The following CBFA2T2 variants were observed in gnomAD, a reference collection of about 807,000 sequenced individuals.
CBFA2T2 encodes the protein CBFA2/RUNX1 partner transcriptional co-repressor 2, also known as protein CBFA2T2.
Under a neutral mutation model 62.2 loss-of-function variants are expected in CBFA2T2, and 11 were observed. The ratio of observed to expected loss-of-function variants is 0.18; its 90% confidence interval spans 0.11 to 0.29. The LOEUF is 0.29. CBFA2T2 is among the 10% of genes least tolerant of loss of function. The pLI is 1.00. For synonymous variants in CBFA2T2, 295 were observed against 287.5 expected (o/e 1.03, Z -0.27); for missense variants, 592 against 774.1 (o/e 0.76, Z 2.79).
rs552694815 is a variant in CBFA2T2, at chr20:33,598,673, TA to T, written c.35-8280del. ...TCCTCAGCTGACAGGATTAAGAGAT[TA>T]AAGTAAAGACAGGCATAGGAAATCA... is the stretch of plus-strand genomic sequence containing the variant. On this transcript the variant is annotated intron_variant, in intron 1 of 10. Transcript: ENST00000342704. Among the ~76,000 whole-genome samples, 69 of 152,306 alleles carry T rather than the reference TA, an allele frequency of 4.5e-4. 2 individuals are homozygous for T. The East Asian group carries it at 0.013, about 29-fold the overall frequency.
intron 3 of CBFA2T2, among the ~76,000 whole-genome samples, chr20:33,615,542 T>C (rs1314145733): frequency 3.3e-5 from 5 of 152,218 alleles, no homozygotes; most frequent in Admixed American, 3.3e-4. Flanking sequence ...AGTCTCATTC[T>C]GGTTCAGAGG....
chr20:33,505,674 A>T (rs1298199350), intron 1 of CBFA2T2, among the ~76,000 whole-genome samples: 1 of 151,924 alleles, frequency 6.6e-6, no homozygotes, highest in Non-Finnish European at 1.5e-5. Flanking sequence ...CCAGCTGCTC[A>T]GGAGGCTGAG....
chr20:33,552,941 T>G (rs1250376606), intron 1 of CBFA2T2, among the ~76,000 whole-genome samples: 1 of 152,228 alleles, frequency 6.6e-6, no homozygotes, highest in East Asian at 1.9e-4. Context: ...TTCTCCTCTG[T>G]CAAATTTCAT....
intron 1 of CBFA2T2, among the ~76,000 whole-genome samples, chr20:33,517,359 A>G (rs1432937107): frequency 6.6e-6 from 1 of 151,822 alleles, no homozygotes; most frequent in Non-Finnish European, 1.5e-5. Context: ...AGCCTTGCCA[A>G]TTTTCAGCTC....
chr20:33,501,308 A>T (rs1278662020), intron 1 of CBFA2T2, among the ~76,000 whole-genome samples: 3 of 152,040 alleles, frequency 2.0e-5, no homozygotes, highest in Non-Finnish European at 2.9e-5. Context: ...TGTTTCCCTT[A>T]TTTCTTTGTT....
At chr20:33,530,951 GCGCCTGTA>G in intron 1 of CBFA2T2, among the ~76,000 whole-genome samples, 1 of 152,016 alleles carries the variant, frequency 6.6e-6, no homozygotes, top group East Asian at 1.9e-4. Context: ...GTGGTGGCAG[GCGCCTGTA>G]ATCGCAGCTC....
chr20:33,621,287 C>CTTTTTTTTTTTTTTTTTTT lies in CBFA2T2; in HGVS notation c.510+1689_510+1707dup, dbSNP rs199805350. The stretch of plus-strand genomic sequence containing the variant: ...TCTATAATACCTTTAATTTTACTGC[C>CTTTTTTTTTTTTTTTTTTT]TTTTTTTTTTTTTTTTTTTTTTTTT... On this transcript the variant is annotated intron_variant, in intron 4 of 10. Coordinates refer to ENST00000342704, the MANE Select transcript of CBFA2T2 (RefSeq NM_001032999.3). Among the ~76,000 whole-genome samples the CTTTTTTTTTTTTTTTTTTT allele has an allele frequency of 8.8e-4, 75 of 85,294 alleles. 7 individuals are homozygous for CTTTTTTTTTTTTTTTTTTT. Among genetic ancestry groups the CTTTTTTTTTTTTTTTTTTT allele is most frequent in the African/African-American group, 2.1e-3 (41 of 19,294 alleles). The allele number at this position is 85,294 out of a possible 152,430, so 56.0% of individuals were successfully genotyped here. A position where few individuals can be genotyped will look rare whatever the true frequency, so the allele number is the denominator to read the frequency against.
intron 1 of CBFA2T2, among the ~76,000 whole-genome samples, chr20:33,494,718 C>T (rs1408507160): frequency 1.3e-5 from 2 of 152,054 alleles, no homozygotes; most frequent in African/African-American, 2.4e-5. Context: ...CCTGCCTCAG[C>T]CTTCCAAATA....
intron 1 of CBFA2T2, among the ~76,000 whole-genome samples, chr20:33,518,336 A>C (rs1239156713): frequency 6.6e-6 from 1 of 152,204 alleles, no homozygotes; most frequent in Non-Finnish European, 1.5e-5. Context: ...AAAGGAATTG[A>C]AATGCCATTG....
Position 33,646,036 on chromosome 20 carries a change from C to G in CBFA2T2, c.*1390C>G, listed in dbSNP as rs190756667. 2.0e-5 allele frequency: 3 copies of G among 152,128 alleles called. No homozygotes were observed. Among genetic ancestry groups the G allele is most frequent in the African/African-American group, 7.2e-5 (3 of 41,410 alleles). The allele number at this position is 152,128 out of a possible 1,614,324, so 9.4% of individuals were successfully genotyped here. ...GGTGGTTTTTTAACACAAAGTCTCA[C>G]TCTGTTGCCCAGGCTGGAGTGCAGT... On this transcript the variant is annotated 3_prime_UTR_variant, in exon 11 of 11. Transcript: ENST00000342704.
intron 1 of CBFA2T2, among the ~76,000 whole-genome samples, chr20:33,575,871 G>A (rs749905551): frequency 3.6e-4 from 55 of 152,088 alleles, no homozygotes; most frequent in Non-Finnish European, 4.9e-4. Context: ...TCCACCTCCC[G>A]GGTTCACACC....
At chr20:33,570,582 A>ATG (rs2013521195) in intron 1 of CBFA2T2, among the ~76,000 whole-genome samples, 1 of 152,178 alleles carries the variant, frequency 6.6e-6, no homozygotes, top group South Asian at 2.1e-4. Flanking sequence ...GAGCTAGTAC[A>ATG]TGTTGGGAAT....
At chr20:33,552,853 A>G (rs1490287349) in intron 1 of CBFA2T2, among the ~76,000 whole-genome samples, 5 of 151,988 alleles carry the variant, frequency 3.3e-5, no homozygotes, top group African/African-American at 1.2e-4. Flanking sequence ...GGGTTCCTAT[A>G]TTATTCTGTT....
At chr20:33,541,369 T>A (rs1327127826) in intron 1 of CBFA2T2, among the ~76,000 whole-genome samples, 1 of 152,206 alleles carries the variant, frequency 6.6e-6, no homozygotes, top group African/African-American at 2.4e-5. Context: ...TACCCGCCCA[T>A]CTCCATTGGT....
chr20:33,549,612 C>T (rs1244145008), intron 1 of CBFA2T2, among the ~76,000 whole-genome samples: 3 of 152,110 alleles, frequency 2.0e-5, no homozygotes, highest in Non-Finnish European at 4.4e-5. Context: ...CATGAGGGAT[C>T]TTTTAGGGGT....
chr20:33,506,956 A>G (rs557692726), intron 1 of CBFA2T2, among the ~76,000 whole-genome samples: 3 of 152,326 alleles, frequency 2.0e-5, no homozygotes, highest in Admixed American at 2.0e-4. Context: ...GCCATTTGGA[A>G]TACTGAAATC....
rs143835695 is a variant in CBFA2T2, at chr20:33,556,824, G to A, written c.35-50132G>A. Among the ~76,000 whole-genome samples the A allele has an allele frequency of 5.5e-3, 842 of 151,726 alleles. 5 individuals carry two copies. Among genetic ancestry groups the A allele is most frequent in the African/African-American group, 0.019 (786 of 41,348 alleles). ...GCTTTCCTTTCTTCCTTGTTGATTG[G>A]TTAAAAAAATTAAATATGGATTATG... On this transcript the variant is annotated intron_variant, in intron 1 of 10. Transcript: ENST00000342704.
chr20:33,562,737 T>C (rs1236408761), intron 1 of CBFA2T2: 25 of 902,846 alleles, frequency 2.8e-5, no homozygotes, highest in Non-Finnish European at 3.3e-5. Flanking sequence ...TTCAAAGCTT[T>C]TTACTTCTTT....
At chr20:33,559,389 G>A (rs1353103548) in intron 1 of CBFA2T2, among the ~76,000 whole-genome samples, 1 of 151,956 alleles carries the variant, frequency 6.6e-6, no homozygotes, top group African/African-American at 2.4e-5. Flanking sequence ...GGCCAGGCTG[G>A]TCTGGAACTC....
Sources: allele counts gnomAD v4.1 joint callset (sites outside exome capture counted in the v4.1 genomes callset), GRCh38; gene constraint gnomAD v4.1.1; transcripts MANE v1.5; gene names NCBI Gene and HGNC (gene_info 2026-07-23, HGNC 2026-07-21).